The following CDH18 variants were observed in gnomAD, a reference collection of about 807,000 sequenced individuals.
CDH18 encodes the protein cadherin-18.
A neutral mutation model predicts 67.9 loss-of-function variants in CDH18; 31 were observed. That is an observed-to-expected ratio of 0.46 (90% CI 0.34 to 0.62). The LOEUF is 0.62. Ranked by LOEUF, CDH18 falls within the 20% of genes least tolerant of loss-of-function variation. The pLI is 0.01. For synonymous variants in CDH18, 362 were observed against 347.2 expected (o/e 1.04, Z -0.48); for missense variants, 890 against 975.5 (o/e 0.91, Z 1.17).
At chr5:19,564,351 A>G (rs1739992648) in intron 8 of CDH18, among the ~76,000 whole-genome samples, 1 of 152,176 alleles carries the variant, frequency 6.6e-6, no homozygotes, top group Non-Finnish European at 1.5e-5. Context: ...GTGAGGAAGG[A>G]GTAAAAAGGA....
In CDH18 at chr5:19,479,651, G is replaced by A. The variant is rs1422736995; in HGVS notation, c.1882+3650C>T. On this transcript the variant is annotated intron_variant, in intron 12 of 12. Coordinates refer to ENST00000382275, the MANE Select transcript of CDH18 (RefSeq NM_004934.5). ...CACGTGTTCACACCAAACCCACTTC[G>A]ATCCCCATTTATCCGGAAATTTATA... Among the ~76,000 whole-genome samples the A allele has an allele frequency of 3.3e-5, 5 of 151,754 alleles. No homozygotes were observed. In the East Asian group the frequency reaches 7.7e-4, roughly 23 times the overall value.
intron 1 of CDH18, among the ~76,000 whole-genome samples, chr5:20,405,861 T>C (rs1207258188): frequency 6.6e-6 from 1 of 152,048 alleles, no homozygotes; most frequent in African/African-American, 2.4e-5. Flanking sequence ...ATCAGAGAAA[T>C]GCAAATCAAA....
chr5:19,976,769 C>T (rs1315326116), intron 2 of CDH18, among the ~76,000 whole-genome samples: 2 of 146,254 alleles, frequency 1.4e-5, no homozygotes, highest in East Asian at 2.1e-4. Flanking sequence ...ATAAGACTAA[C>T]TTATGGCAAC....
Position 19,620,607 on chromosome 5 carries a change from G to A in CDH18, c.644-8006C>T, listed in dbSNP as rs532565634. Among the ~76,000 whole-genome samples, 78 of 152,168 alleles carry A rather than the reference G, an allele frequency of 5.1e-4. 1 individual carries two copies. Among genetic ancestry groups the A allele is most frequent in the Non-Finnish European group, 7.6e-4 (52 of 68,024 alleles). ...AGAGAGGGGGGACATGATCATAAAA[G>A]TGGTCACTATCTAAGAATTTGAAAA... On this transcript the variant is annotated intron_variant, in intron 5 of 12. Coordinates refer to ENST00000382275, the MANE Select transcript of CDH18 (RefSeq NM_004934.5).
intron 6 of CDH18, among the ~76,000 whole-genome samples, chr5:19,591,576 T>A (rs2150027765): frequency 6.6e-6 from 1 of 152,228 alleles, no homozygotes; most frequent in South Asian, 2.1e-4. Flanking sequence ...TAGTCAAGTA[T>A]TAGTGTAATC....
chr5:20,562,971 A>T (rs1758303309), intron 1 of CDH18, among the ~76,000 whole-genome samples: 1 of 150,120 alleles, frequency 6.7e-6, no homozygotes, highest in East Asian at 2.0e-4. Context: ...TGGCATATAG[A>T]TCATACTTTG....
chr5:19,701,174 GT>G (rs1294881852), intron 5 of CDH18, among the ~76,000 whole-genome samples: 2 of 152,052 alleles, frequency 1.3e-5, no homozygotes, highest in Non-Finnish European at 2.9e-5. Flanking sequence ...GGAAATTTAT[GT>G]GTTTTAAAAA....
In CDH18 at chr5:19,994,730, TATATATATAG is replaced by T. The variant is rs1735788856; in HGVS notation, c.-517-2726_-517-2717del. ...ATATATATATATATATATATATATA[TATATATATAG>T]AGAGAGAGAGAGAGAGAGAGAGAGA... On this transcript the variant is annotated intron_variant, in intron 2 of 14. Transcript: ENST00000507958. Among the ~76,000 whole-genome samples the T allele has an allele frequency of 4.8e-4, 8 of 16,698 alleles. 1 individual carries two copies. Among genetic ancestry groups the T allele is most frequent in the Non-Finnish European group, 7.3e-4 (7 of 9,642 alleles). The allele number at this position is 16,698 out of a possible 152,430, so 11.0% of individuals were successfully genotyped here. A position where few individuals can be genotyped will look rare whatever the true frequency, so the allele number is the denominator to read the frequency against.
At chr5:20,072,714 T>C (rs1016085077) in intron 2 of CDH18, among the ~76,000 whole-genome samples, 6 of 151,994 alleles carry the variant, frequency 3.9e-5, no homozygotes, top group African/African-American at 1.2e-4. Context: ...TTTTAGAATA[T>C]TCTAAAAATA....
intron 11 of CDH18, among the ~76,000 whole-genome samples, chr5:19,489,421 GTA>G (rs1740971405): frequency 6.6e-6 from 1 of 151,636 alleles, no homozygotes; most frequent in African/African-American, 2.4e-5. Flanking sequence ...CTAATGTTTT[GTA>G]TTTTTAGTAG....
intron 1 of CDH18, among the ~76,000 whole-genome samples, chr5:20,347,288 T>C (rs943276130): frequency 5.3e-5 from 8 of 152,132 alleles, no homozygotes; most frequent in African/African-American, 9.6e-5. Context: ...GGACAAGTCC[T>C]TCTTCCGAGG....
chr5:19,981,726 T>C (rs1216201206), intron 1 of CDH18, among the ~76,000 whole-genome samples: 1 of 152,216 alleles, frequency 6.6e-6, no homozygotes, highest in Admixed American at 6.5e-5. Context: ...GCTGTTCTTG[T>C]TATGTGTCAG....
chr5:20,305,845 G>A (rs1736398585), intron 1 of CDH18: 1 of 213,862 alleles, frequency 4.7e-6, no homozygotes. Flanking sequence ...TCTGAACTGG[G>A]TTGAACACAC....
At chr5:19,976,796 A>T (rs1237319020) in intron 2 of CDH18, among the ~76,000 whole-genome samples, 1 of 118,470 alleles carries the variant, frequency 8.4e-6, no homozygotes, top group Non-Finnish European at 2.1e-5. Flanking sequence ...GGATATAAAG[A>T]CAGAAACAGG....
chr5:20,113,919 A>C (rs553913742), intron 2 of CDH18, among the ~76,000 whole-genome samples: 52 of 152,268 alleles, frequency 3.4e-4, no homozygotes, highest in Non-Finnish European at 7.4e-4. Flanking sequence ...ATTTTCTGAA[A>C]ATTTTGCTAT....
chr5:20,054,352 A>G (rs918059529), intron 2 of CDH18, among the ~76,000 whole-genome samples: 1 of 152,186 alleles, frequency 6.6e-6, no homozygotes, highest in African/African-American at 2.4e-5. Flanking sequence ...TTCATGTGCC[A>G]TTATTATCTT....
At chr5:20,142,401 G>A (rs938717875) in intron 2 of CDH18, among the ~76,000 whole-genome samples, 3 of 151,762 alleles carry the variant, frequency 2.0e-5, no homozygotes, top group South Asian at 2.1e-4. Context: ...CCAACATGAC[G>A]AAACTCCGTC....
chr5:20,299,483 A>G (rs1747792412), intron 1 of CDH18, among the ~76,000 whole-genome samples: 1 of 151,680 alleles, frequency 6.6e-6, no homozygotes, highest in South Asian at 2.1e-4. Context: ...TCTTCACAAG[A>G]AGGCATAGAA....
At chr5:20,418,865 T>A (rs778878480) in intron 1 of CDH18, among the ~76,000 whole-genome samples, 2 of 152,058 alleles carry the variant, frequency 1.3e-5, no homozygotes, top group Non-Finnish European at 2.9e-5. Flanking sequence ...GGGAGATGAA[T>A]TGATCCTGAG....
Sources: allele counts gnomAD v4.1 joint callset (sites outside exome capture counted in the v4.1 genomes callset), GRCh38; gene constraint gnomAD v4.1.1; transcripts MANE v1.5; gene names NCBI Gene and HGNC (gene_info 2026-07-23, HGNC 2026-07-21).